The following SEMA3D variants were observed in gnomAD, a reference collection of about 807,000 sequenced individuals.
SEMA3D encodes semaphorin-3D.
Under a neutral mutation model 100.1 loss-of-function variants are expected in SEMA3D, and 84 were observed. The ratio of observed to expected loss-of-function variants is 0.84; its 90% CI spans 0.70 to 1.01. The LOEUF is 1.01. Among genes scored for constraint, SEMA3D ranks in the 50% least tolerant of loss-of-function variants. The probability of loss-of-function intolerance (pLI) is 0.00; values close to 1 mark genes in which losing one functional copy is unlikely to be tolerated. For missense variants in SEMA3D, 875 were observed against 934.1 expected (o/e 0.94, Z 0.82); for synonymous variants, 312 against 320.7 (o/e 0.97, Z 0.29).
intron 12 of SEMA3D, among the ~76,000 whole-genome samples, chr7:85,032,123 T>A (rs1207275258): frequency 6.6e-6 from 1 of 151,942 alleles, no homozygotes; most frequent in Non-Finnish European, 1.5e-5. Flanking sequence ...TTCATTCCCT[T>A]CCCTGTAAAA....
chr7:85,128,493 T>A (rs1041380562), intron 2 of SEMA3D, among the ~76,000 whole-genome samples: 1 of 152,114 alleles, frequency 6.6e-6, no homozygotes, highest in Admixed American at 6.6e-5. Flanking sequence ...TATTGAGATA[T>A]GCTTATTTCT....
At chr7:85,156,615 TG>T (rs1427778764) in intron 1 of SEMA3D, among the ~76,000 whole-genome samples, 1 of 152,222 alleles carries the variant, frequency 6.6e-6, no homozygotes, top group Non-Finnish European at 1.5e-5. Flanking sequence ...TCCTAATTTA[TG>T]AGCAAATTTC....
chr7:85,011,293 G>A (rs541498606), intron 17 of SEMA3D, among the ~76,000 whole-genome samples: 11 of 151,906 alleles, frequency 7.2e-5, no homozygotes, highest in African/African-American at 2.4e-4. Context: ...AAAATTGGCC[G>A]TTGGATTTGG....
At chr7:85,047,070 A>AATTTG (rs1791028286) in intron 9 of SEMA3D, among the ~76,000 whole-genome samples, 1 of 151,936 alleles carries the variant, frequency 6.6e-6, no homozygotes, top group Non-Finnish European at 1.5e-5. Context: ...ACATGTGTTC[A>AATTTG]ATTTGGGTGG....
intron 17 of SEMA3D, among the ~76,000 whole-genome samples, chr7:85,008,476 C>T (rs780971176): frequency 3.3e-5 from 5 of 151,580 alleles, no homozygotes; most frequent in African/African-American, 7.3e-5. Context: ...TTAAGTTTTC[C>T]ACTTTAAAAG....
intron 2 of SEMA3D, among the ~76,000 whole-genome samples, chr7:85,149,426 T>TATCC: frequency 6.6e-6 from 1 of 152,200 alleles, no homozygotes; most frequent in East Asian, 1.9e-4. Flanking sequence ...CCAGCCTGGA[T>TATCC]GACAGAGCAA....
At chr7:85,216,357 T>TTGTTG in the SEMA3D span, among the ~76,000 whole-genome samples, 1 of 146,152 alleles carries the variant, frequency 6.8e-6, no homozygotes, top group Non-Finnish European at 1.5e-5. Flanking sequence ...AATAAGAGTG[T>TTGTTG]TGTGTGTGTG....
At chr7:85,075,856 C>CTTA (rs1225776471) in intron 5 of SEMA3D, among the ~76,000 whole-genome samples, 1 of 152,212 alleles carries the variant, frequency 6.6e-6, no homozygotes, top group African/African-American at 2.4e-5. Flanking sequence ...TGCAAAAAAA[C>CTTA]TTTACAATGA....
In SEMA3D at chr7:84,997,634, A is replaced by T. The variant is rs1789538378; in HGVS notation, c.*1806T>A. The T allele has an allele frequency of 6.6e-6, 1 of 152,510 alleles. No homozygotes were observed. 9.4% of individuals were successfully genotyped at this position (152,510 alleles called of 1,614,324 possible). ...TAAGCAATGCAAATAAAATAAAAAT[A>T]ACAGAGAGAGAATGCTCTCAACATA... On this transcript the variant is annotated 3_prime_UTR_variant, in exon 19 of 19. Coordinates refer to ENST00000284136, the MANE Select transcript of SEMA3D (RefSeq NM_001384900.1).
chr7:85,050,556 C>T (rs1791135718), intron 9 of SEMA3D: 2 of 367,062 alleles, frequency 5.4e-6, no homozygotes, highest in Non-Finnish European at 4.9e-6. Flanking sequence ...ACTTATTCGC[C>T]TCAGGCTCTC....
At chr7:85,150,474 G>T (rs1463838337) in intron 2 of SEMA3D, among the ~76,000 whole-genome samples, 2 of 94,802 alleles carry the variant, frequency 2.1e-5, no homozygotes, top group South Asian at 3.7e-4. Flanking sequence ...ATATTTACAG[G>T]GATATATATA....
intron 4 of SEMA3D, among the ~76,000 whole-genome samples, chr7:85,086,403 C>A (rs1012832650): frequency 6.6e-6 from 1 of 151,498 alleles, no homozygotes; most frequent in African/African-American, 2.4e-5. Context: ...TCCCTTAATT[C>A]AATCTAAAAA....
chr7:85,213,082 C>A, the SEMA3D span, among the ~76,000 whole-genome samples: 1 of 151,870 alleles, frequency 6.6e-6, no homozygotes, highest in South Asian at 2.1e-4. Flanking sequence ...TACTATTGGA[C>A]GATTAGTTTT....
chr7:85,097,917 C>A lies in SEMA3D; in HGVS notation c.200G>T (p.Gly67Val). Residue 67 changes from glycine to valine, a missense_variant, in exon 4 of 19, where the codon GGA (glycine) becomes GTA (valine). Transcript: ENST00000284136. ...TAAGAGAAGAGTTTGAAAATCCAGT[C>A]CTTCTGATGAACCCAAAAAGGGAAT... Reference protein sequence around the residue: ...SCIPFLGSSEGLDFQTLLLDE... With the variant: ...SCIPFLGSSEVLDFQTLLLDE... The A allele has an allele frequency of 6.2e-7, 1 of 1,608,682 alleles. No homozygotes were observed. The highest frequency in any genetic ancestry group is 1.1e-5 in the South Asian group (1 of 90,548).
At position 85,097,824 on chromosome 7, in the gene SEMA3D, A is replaced by G; in HGVS notation, c.293T>C (p.Leu98Ser). The G allele has an allele frequency of 1.3e-6, 2 of 1,599,422 alleles. No homozygotes were observed. Among genetic ancestry groups the G allele is most frequent in the Non-Finnish European group, 1.7e-6 (2 of 1,170,138 alleles). The stretch of plus-strand genomic sequence containing the variant: ...ACTGACCTTCTTAAAATTTTTGTTT[A>G]AGTCAACCAGACTGAGTAGAAAGAT... ...DHIFLLSLVD[L>S]NKNFKKIYWP... Residue 98 changes from leucine to serine, a missense_variant, in exon 4 of 19, where the codon TTA becomes TCA. Leu to Ser is a moderately radical substitution (Grantham distance 145, BLOSUM62 -2). Transcript: ENST00000284136.
chr7:85,111,595 C>T (rs186831618), intron 3 of SEMA3D, among the ~76,000 whole-genome samples: 118 of 152,154 alleles, frequency 7.8e-4, no homozygotes, highest in Non-Finnish European at 3.1e-4. Flanking sequence ...TTACAATAGC[C>T]TCAAACTTGG....
At chr7:85,085,468 A>G (rs1414493259) in intron 4 of SEMA3D, among the ~76,000 whole-genome samples, 1 of 152,210 alleles carries the variant, frequency 6.6e-6, no homozygotes, top group Non-Finnish European at 1.5e-5. Context: ...AGCACTCTTT[A>G]TATCGTTTTT....
intron 12 of SEMA3D, among the ~76,000 whole-genome samples, chr7:85,024,731 G>A (rs989266105): frequency 9.2e-5 from 14 of 151,910 alleles, no homozygotes; most frequent in Admixed American, 2.0e-4. Flanking sequence ...TCAGGTCTGC[G>A]TCTCCACTAT....
At chr7:85,232,969 T>C in the SEMA3D span, among the ~76,000 whole-genome samples, 5 of 152,156 alleles carry the variant, frequency 3.3e-5, no homozygotes, top group African/African-American at 1.2e-4. Context: ...TCCTTAAACT[T>C]GTCCCTACCC....
Sources: allele counts gnomAD v4.1 joint callset (sites outside exome capture counted in the v4.1 genomes callset), GRCh38; gene constraint gnomAD v4.1.1; transcripts MANE v1.5; gene names NCBI Gene and HGNC (gene_info 2026-07-23, HGNC 2026-07-21).